Variants in FBP2 observed in about 807,000 individuals in gnomAD.
The protein encoded by FBP2 is fructose-1,6-bisphosphatase isozyme 2.
A neutral mutation model predicts 31.6 loss-of-function variants in FBP2; 27 were observed. The observed-to-expected ratio is 0.85, with a 90% CI of 0.63 to 1.18. The LOEUF (loss-of-function observed/expected upper bound fraction) is 1.18, where lower values mean the gene tolerates loss of function less well. Among genes scored for constraint, FBP2 ranks in the 50% most tolerant of loss-of-function variants. FBP2 has a pLI of 0.00. For synonymous variants in FBP2, 168 were observed against 179.8 expected (o/e 0.93, Z 0.53); for missense variants, 421 against 436.1 (o/e 0.97, Z 0.31).
At chr9:94,569,644 T>A (rs1827244325) in intron 4 of FBP2, 1 of 152,204 alleles carries the variant, frequency 6.6e-6, no homozygotes, top group Admixed American at 6.5e-5. Flanking sequence ...AACGGCTGAT[T>A]TTTAATATGG....
chr9:94,563,610 A>G, intron 5 of FBP2, 149 bp from the exon 6 acceptor site: 2 of 859,238 alleles, frequency 2.3e-6, no homozygotes, highest in Non-Finnish European at 3.5e-6. Context: ...AGATTATATA[A>G]TTGTGCATTT....
At chr9:94,566,719 T>G (rs1223471408) in intron 5 of FBP2, among the ~76,000 whole-genome samples, 1 of 152,152 alleles carries the variant, frequency 6.6e-6, no homozygotes, top group African/African-American at 2.4e-5. Flanking sequence ...CAAATAACAT[T>G]AAAAAGACTG....
chr9:94,567,419 A>C lies in FBP2; in HGVS notation c.568-12T>G. 6.2e-7 allele frequency: 1 copy of C among 1,612,414 alleles called. No individual in the cohort carries two copies. The highest frequency in any genetic ancestry group is 8.5e-7 in the Non-Finnish European group (1 of 1,179,834). On this transcript the variant is annotated splice_polypyrimidine_tract_variant and intron_variant, in intron 4 of 6. Coordinates refer to ENST00000375337, the MANE Select transcript of FBP2 (RefSeq NM_003837.4). ...AATTCACCAAGAGCCTAGCAACATG[A>C]AGAGAGATGCCAGGAAGAAGAGAGA...
intron 1 of FBP2, among the ~76,000 whole-genome samples, chr9:94,587,729 C>G (rs184621679): frequency 3.3e-5 from 5 of 152,298 alleles, no homozygotes; most frequent in Admixed American, 1.3e-4. Flanking sequence ...AAACACAAAC[C>G]CAGTCTCAGC....
intron 4 of FBP2, 75 bp downstream of exon 4, chr9:94,571,387 T>G: frequency 7.1e-7 from 1 of 1,403,510 alleles, no homozygotes; most frequent in Non-Finnish European, 9.6e-7. Flanking sequence ...CAGGACATTA[T>G]CGCAGAGAAC....
intron 1 of FBP2, among the ~76,000 whole-genome samples, chr9:94,590,806 C>G (rs1827489511): frequency 6.6e-6 from 1 of 152,156 alleles, no homozygotes. Context: ...TTGGTAGAGC[C>G]GAGTGGCCTG....
chr9:94,581,945 C>T (rs1420435165), intron 3 of FBP2, among the ~76,000 whole-genome samples: 1 of 152,164 alleles, frequency 6.6e-6, no homozygotes, highest in African/African-American at 2.4e-5. Context: ...GTTAGTCACT[C>T]ACTCCTATTT....
intron 5 of FBP2, among the ~76,000 whole-genome samples, chr9:94,566,585 A>G (rs1827193131): frequency 6.6e-6 from 1 of 152,162 alleles, no homozygotes; most frequent in Admixed American, 6.5e-5. Context: ...CTCAACTCTG[A>G]AGGCTGTGAT....
chr9:94,591,354 G>C (rs112843139), intron 1 of FBP2, among the ~76,000 whole-genome samples: 5 of 152,170 alleles, frequency 3.3e-5, no homozygotes, highest in African/African-American at 1.2e-4. Flanking sequence ...ACTGCTGGGG[G>C]ACTCAGTACA....
chr9:94,587,488 G>A lies in FBP2; in HGVS notation c.171-19C>T. 1 of 1,613,372 alleles carries A rather than the reference G, an allele frequency of 6.2e-7. No homozygotes were observed. Among genetic ancestry groups the A allele is most frequent in the South Asian group, 1.1e-5 (1 of 90,922 alleles). ...TCCATACCTGAGAAGACAAAAGGCT[G>A]AATGAGGAAGTCACTAGGGGGTCTT... On this transcript the variant is annotated intron_variant, in intron 1 of 6. Coordinates refer to ENST00000375337, the MANE Select transcript of FBP2 (RefSeq NM_003837.4).
rs999658642 is a variant in FBP2, at chr9:94,567,463, C to T, written c.568-56G>A. On this transcript the variant is annotated intron_variant, in intron 4 of 6. Coordinates refer to ENST00000375337, the MANE Select transcript of FBP2 (RefSeq NM_003837.4). ...AGAGAGAAGCCAGGAAACAAGCCAA[C>T]CGCACAATCCCCACATCAGAGCAGG... 5.6e-6 allele frequency: 9 copies of T among 1,598,354 alleles called. No individual in the cohort carries two copies. In the Admixed American group the frequency reaches 1.5e-4, roughly 27 times the overall value.
intron 5 of FBP2, among the ~76,000 whole-genome samples, chr9:94,565,781 TA>T (rs1408517578): frequency 4.2e-4 from 59 of 140,494 alleles, no homozygotes; most frequent in African/African-American, 1.4e-3. Context: ...GATAGATAGA[TA>T]GATAGATGAT....
At chr9:94,588,804 A>G (rs1827459635) in intron 1 of FBP2, among the ~76,000 whole-genome samples, 1 of 152,132 alleles carries the variant, frequency 6.6e-6, no homozygotes, top group Non-Finnish European at 1.5e-5. Flanking sequence ...ACCACCGTGG[A>G]ATCTCTGCGC....
chr9:94,563,806 CAT>C lies in FBP2; in HGVS notation c.706-347_706-346del, dbSNP rs551768614. On this transcript the variant is annotated intron_variant, in intron 5 of 6. Coordinates refer to ENST00000375337, the MANE Select transcript of FBP2 (RefSeq NM_003837.4). ...TCAAAATAAAGGGATGGAAGCCAAA[CAT>C]ATAGAAAGCAGAAAAAAGCAGGGGC... is the stretch of plus-strand genomic sequence containing the variant. Among the ~76,000 whole-genome samples, 329 of 152,210 alleles carry C rather than the reference CAT, an allele frequency of 2.2e-3. 2 individuals carry two copies. The Middle Eastern group carries it at 0.024, about 11-fold the overall frequency.
chr9:94,593,585 C>T lies in FBP2; in HGVS notation c.142G>A (p.Ala48Thr). ...MLTAIKAISSAVRKAGLAHLY... is the reference protein window; with the variant it reads ...MLTAIKAISSTVRKAGLAHLY... The stretch of plus-strand genomic sequence containing the variant: ...TGGGCCAGACCGGCCTTGCGCACAG[C>T]CGAGGAGATGGCTTTGATGGCCGTC... The change falls in exon 1 of 7, where the codon GCT (alanine) becomes ACT (threonine). Residue 48 changes from alanine to threonine, a missense_variant. Coordinates refer to ENST00000375337, the MANE Select transcript of FBP2 (RefSeq NM_003837.4). 6.2e-7 allele frequency: 1 copy of T among 1,614,030 alleles called. No individual in the cohort carries two copies. Among genetic ancestry groups the T allele is most frequent in the South Asian group, 1.1e-5 (1 of 91,074 alleles).
intron 3 of FBP2, among the ~76,000 whole-genome samples, chr9:94,575,139 A>C (rs1298172111): frequency 6.6e-6 from 1 of 152,216 alleles, no homozygotes; most frequent in Non-Finnish European, 1.5e-5. Context: ...TTAATGGTAC[A>C]TCTTGATAAA....
At chr9:94,591,576 C>A (rs1299761368) in intron 1 of FBP2, among the ~76,000 whole-genome samples, 8 of 152,368 alleles carry the variant, frequency 5.3e-5, no homozygotes. Context: ...TTGGCCAGCC[C>A]AGAAAGTGGC....
At chr9:94,564,607 T>C (rs12344649) in intron 5 of FBP2, among the ~76,000 whole-genome samples, 6,402 of 152,052 alleles carry the variant, frequency 0.042, 446 homozygotes, top group African/African-American at 0.15. Flanking sequence ...AGGAGCTAAA[T>C]GATGAGAACA....
intron 1 of FBP2, among the ~76,000 whole-genome samples, chr9:94,590,740 G>A (rs1827488397): frequency 6.6e-6 from 1 of 152,234 alleles, no homozygotes; most frequent in Non-Finnish European, 1.5e-5. Context: ...GGTTGCCGAT[G>A]CTGGTTTAGG....
Sources: gnomAD v4.1 joint callset for allele counts (sites outside exome capture counted in the v4.1 genomes callset) on GRCh38, gnomAD v4.1.1 for gene constraint, MANE v1.5 for transcripts, NCBI Gene and HGNC (gene_info 2026-07-23, HGNC 2026-07-21) for gene names.